The following SLC36A1 variants were observed in gnomAD, a reference collection of about 807,000 sequenced individuals.
SLC36A1 encodes proton-coupled amino acid transporter 1.
SLC36A1 carries 30 observed loss-of-function variants against 47.5 expected under a neutral mutation model. The observed-to-expected ratio is 0.63, with a 90% CI of 0.47 to 0.86. The LOEUF (loss-of-function observed/expected upper bound fraction) is 0.86. SLC36A1 is among the 40% of genes least tolerant of loss of function. The pLI, the probability that SLC36A1 is intolerant of heterozygous loss-of-function variation, is 0.00. For missense variants in SLC36A1, 517 were observed against 606.0 expected (o/e 0.85, Z 1.54); for synonymous variants, 255 against 249.7 (o/e 1.02, Z -0.20).
At chr5:151,440,347 T>C (rs1409297678) in intron 1 of SLC36A1, among the ~76,000 whole-genome samples, 1 of 152,186 alleles carries the variant, frequency 6.6e-6, no homozygotes, top group African/African-American at 2.4e-5. Context: ...TTTTATTTTT[T>C]AAGATACAAA....
At position 151,491,686 on chromosome 5, in the gene SLC36A1, T is replaced by C. The variant is rs1218608155; in HGVS notation, c.*3432T>C. ...TCAGTGGATTTCATTTTGTAGCTGCTGAGATGTTAAGGCAAGCCTCAGCAT... is the reference window on the plus strand; with the variant it reads ...TCAGTGGATTTCATTTTGTAGCTGCCGAGATGTTAAGGCAAGCCTCAGCAT... On this transcript the variant is annotated 3_prime_UTR_variant, in exon 11 of 11. Transcript: ENST00000243389. The C allele has an allele frequency of 6.6e-6, 1 of 152,670 alleles. No individual in the cohort carries two copies. The highest frequency in any genetic ancestry group is 2.4e-5 in the African/African-American group (1 of 41,458). The allele number at this position is 152,670 out of a possible 1,614,324, so 9.5% of individuals were successfully genotyped here. A position where few individuals can be genotyped will look rare whatever the true frequency, so the allele number is the denominator to read the frequency against.
intron 2 of SLC36A1, among the ~76,000 whole-genome samples, chr5:151,461,821 C>A (rs1042330446): frequency 2.6e-5 from 4 of 152,134 alleles, no homozygotes; most frequent in Admixed American, 6.5e-5. Context: ...AAATTTGAGA[C>A]CCTTCAGTAT....
the SLC36A1 span, among the ~76,000 whole-genome samples, chr5:151,351,151 T>C: frequency 1.3e-5 from 2 of 152,148 alleles, no homozygotes; most frequent in African/African-American, 4.8e-5. Flanking sequence ...TTTTATGATA[T>C]CATTTTATTG....
chr5:151,345,770 A>G, the SLC36A1 span, among the ~76,000 whole-genome samples: 1 of 152,238 alleles, frequency 6.6e-6, no homozygotes, highest in Admixed American at 6.5e-5. Flanking sequence ...GCGGTAAGTC[A>G]TGCAAAGCAC....
the SLC36A1 span, chr5:151,540,845 T>C: frequency 6.3e-5 from 81 of 1,295,050 alleles, 1 homozygote; most frequent in South Asian, 1.1e-3. Flanking sequence ...GCCCATTGGA[T>C]GCATTTTTTA....
At chr5:151,529,216 C>A in the SLC36A1 span, 5 of 1,614,042 alleles carry the variant, frequency 3.1e-6, no homozygotes, top group Non-Finnish European at 4.2e-6. Context: ...TTCTCTAAGA[C>A]CCTTGTGCTA....
the SLC36A1 span, chr5:151,550,469 A>C: frequency 8.6e-7 from 1 of 1,158,156 alleles, no homozygotes; most frequent in Non-Finnish European, 1.2e-6. Context: ...GAAATGTCAC[A>C]ACTCTGTCTC....
the SLC36A1 span, among the ~76,000 whole-genome samples, chr5:151,429,743 G>A: frequency 1.3e-5 from 2 of 152,110 alleles, no homozygotes; most frequent in African/African-American, 4.8e-5. Flanking sequence ...TGCATCCTTA[G>A]AAGCCATTTA....
At chr5:151,344,934 G>A in the SLC36A1 span, among the ~76,000 whole-genome samples, 6 of 152,100 alleles carry the variant, frequency 3.9e-5, no homozygotes, top group Admixed American at 2.0e-4. Flanking sequence ...GAGGTCTGGC[G>A]GGGCATAACC....
At chr5:151,436,157 G>A (rs1759766334), upstream of SLC36A1, among the ~76,000 whole-genome samples, 1 of 152,124 alleles carries the variant, frequency 6.6e-6, no homozygotes, top group African/African-American at 2.4e-5. Flanking sequence ...CAGATCTTAA[G>A]TGTACAGTTG....
At chr5:151,367,350 C>T in the SLC36A1 span, among the ~76,000 whole-genome samples, 6 of 97,992 alleles carry the variant, frequency 6.1e-5, no homozygotes, top group Non-Finnish European at 1.3e-4. Context: ...TAGACCTCCC[C>T]CCAGGAATGC....
chr5:151,517,730 G>T, the SLC36A1 span: 1 of 1,614,156 alleles, frequency 6.2e-7, no homozygotes, highest in South Asian at 1.1e-5. Context: ...GCCCTGTACC[G>T]CACATAGCTC....
the SLC36A1 span, among the ~76,000 whole-genome samples, chr5:151,357,589 G>GA: frequency 6.6e-6 from 1 of 152,162 alleles, no homozygotes; most frequent in South Asian, 2.1e-4. Flanking sequence ...CCTGTTTTTA[G>GA]AAAAAAGGTT....
At chr5:151,497,078 C>T (rs748069381), downstream of SLC36A1, among the ~76,000 whole-genome samples, 2 of 152,072 alleles carry the variant, frequency 1.3e-5, no homozygotes, top group South Asian at 2.1e-4. Flanking sequence ...AGATGCATTT[C>T]TTCTTTTCCA....
chr5:151,503,483 A>G, the SLC36A1 span, among the ~76,000 whole-genome samples: 1 of 149,984 alleles, frequency 6.7e-6, no homozygotes, highest in Non-Finnish European at 1.5e-5. Flanking sequence ...GTTCAACCTC[A>G]GAGCCACTGC....
At chr5:151,389,517 C>T in the SLC36A1 span, among the ~76,000 whole-genome samples, 6 of 151,138 alleles carry the variant, frequency 4.0e-5, no homozygotes, top group East Asian at 1.2e-3. Flanking sequence ...CCCATTAACT[C>T]GTCATTTACA....
At chr5:151,352,496 G>T in the SLC36A1 span, among the ~76,000 whole-genome samples, 3 of 152,092 alleles carry the variant, frequency 2.0e-5, no homozygotes, top group African/African-American at 7.3e-5. Flanking sequence ...CTAACAAATT[G>T]CCATAAACTT....
chr5:151,440,978 T>C (rs1004616649), intron 1 of SLC36A1, among the ~76,000 whole-genome samples: 13 of 152,180 alleles, frequency 8.5e-5, no homozygotes, highest in Admixed American at 4.6e-4. Flanking sequence ...AGCATCAGAC[T>C]CTCCTAGAGG....
chr5:151,473,844 T>A, intron 8 of SLC36A1, 73 bp downstream of exon 8: 2 of 1,177,858 alleles, frequency 1.7e-6, no homozygotes, highest in East Asian at 2.4e-5. Flanking sequence ...TTTCAAGGAA[T>A]GCTGAGGAAA....
Sources: gnomAD v4.1 joint callset for allele counts (sites outside exome capture counted in the v4.1 genomes callset) on GRCh38, gnomAD v4.1.1 for gene constraint, MANE v1.5 for transcripts, NCBI Gene and HGNC (gene_info 2026-07-23, HGNC 2026-07-21) for gene names.